The following ROBO2 variants were observed in gnomAD, a reference collection of about 807,000 sequenced individuals.
ROBO2 encodes the protein roundabout homolog 2.
A neutral mutation model predicts 160.8 loss-of-function variants in ROBO2; 53 were observed. The observed-to-expected ratio is 0.33, with a 90% CI of 0.26 to 0.41. The LOEUF (loss-of-function observed/expected upper bound fraction) is 0.41. Ranked by LOEUF, ROBO2 falls within the 10% of genes least tolerant of loss-of-function variation. ROBO2 has a pLI of 1.00. For missense variants in ROBO2, 1,577 were observed against 1,722.4 expected (o/e 0.92, Z 1.49); for synonymous variants, 664 against 611.7 (o/e 1.09, Z -1.26).
intron 2 of ROBO2, among the ~76,000 whole-genome samples, chr3:76,381,955 C>T (rs576129237): frequency 1.3e-5 from 2 of 152,050 alleles, no homozygotes; most frequent in African/African-American, 4.8e-5. Context: ...TAGACTTTGT[C>T]GTTGTTGTTT....
intron 2 of ROBO2, among the ~76,000 whole-genome samples, chr3:76,677,299 A>G (rs1211067540): frequency 6.6e-6 from 1 of 152,080 alleles, no homozygotes. Context: ...AAGGATGAGG[A>G]GGGGAAGCCG....
intron 2 of ROBO2, among the ~76,000 whole-genome samples, chr3:76,319,193 T>C (rs932808804): frequency 1.3e-5 from 2 of 152,032 alleles, no homozygotes; most frequent in African/African-American, 4.8e-5. Context: ...ATTTAAGAAA[T>C]GAAAACAAAG....
At chr3:76,814,518 G>A (rs1040849063) in intron 2 of ROBO2, among the ~76,000 whole-genome samples, 13 of 152,038 alleles carry the variant, frequency 8.6e-5, no homozygotes, top group Admixed American at 7.9e-4. Context: ...TGGCTAATAG[G>A]AAGCAGCTAA....
intron 2 of ROBO2, among the ~76,000 whole-genome samples, chr3:76,189,223 A>G (rs1206644849): frequency 6.6e-6 from 1 of 152,064 alleles, no homozygotes; most frequent in Non-Finnish European, 1.5e-5. Context: ...TATGAAGGCT[A>G]TGTTTCTGGT....
chr3:76,604,636 T>G (rs1391959463), intron 2 of ROBO2, among the ~76,000 whole-genome samples: 1 of 152,186 alleles, frequency 6.6e-6, no homozygotes, highest in African/African-American at 2.4e-5. Flanking sequence ...ATTTAATAAT[T>G]AGATCTGGAC....
intron 2 of ROBO2, among the ~76,000 whole-genome samples, chr3:76,304,747 C>T (rs200267349): frequency 0.12 from 12,061 of 101,212 alleles, 617 homozygotes; most frequent in Middle Eastern, 0.2. Flanking sequence ...CTTTTCTTTC[C>T]TTCTTTCTTT....
chr3:76,568,043 G>A (rs1257497903), intron 2 of ROBO2, among the ~76,000 whole-genome samples: 3 of 151,220 alleles, frequency 2.0e-5, no homozygotes, highest in African/African-American at 7.3e-5. Flanking sequence ...TCAAACTCCC[G>A]GGCTCAAGCG....
At chr3:77,372,362 T>C (rs2071895935) in intron 2 of ROBO2, among the ~76,000 whole-genome samples, 1 of 152,134 alleles carries the variant, frequency 6.6e-6, no homozygotes, top group Non-Finnish European at 1.5e-5. Context: ...TAAGTTTCTT[T>C]CCATTTCTGA....
chr3:76,468,695 TC>T, intron 2 of ROBO2, among the ~76,000 whole-genome samples: 1 of 151,940 alleles, frequency 6.6e-6, no homozygotes, highest in Non-Finnish European at 1.5e-5. Flanking sequence ...GAAAACCTCT[TC>T]CCTTTATTGA....
intron 2 of ROBO2, among the ~76,000 whole-genome samples, chr3:76,707,404 T>C (rs559476755): frequency 5.8e-4 from 88 of 152,222 alleles, no homozygotes; most frequent in Middle Eastern, 3.4e-3. Flanking sequence ...ATTAATACTC[T>C]AAGATTCTTA....
intron 2 of ROBO2, among the ~76,000 whole-genome samples, chr3:77,211,367 T>G (rs571171685): frequency 6.6e-5 from 10 of 152,294 alleles, no homozygotes; most frequent in African/African-American, 2.4e-4. Flanking sequence ...TCATGTGTCT[T>G]TTGGCTGCAT....
rs533659878 is a variant in ROBO2, at chr3:76,137,488, T to A, written c.109+199886T>A. Among the ~76,000 whole-genome samples, 4 of 152,162 alleles carry A rather than the reference T, an allele frequency of 2.6e-5. No individual in the cohort carries two copies. In the South Asian group the frequency reaches 8.3e-4, roughly 31 times the overall value. On this transcript the variant is annotated intron_variant, in intron 2 of 26. Coordinates refer to the ROBO2 transcript ENST00000487694. The stretch of plus-strand genomic sequence containing the variant: ...ATAATTCAGATGATTCTGATGTTAG[T>A]TCTGTTTAGAAATAACTCCAAGAAC...
intron 2 of ROBO2, among the ~76,000 whole-genome samples, chr3:77,454,570 C>T (rs1560880180): frequency 6.6e-6 from 1 of 152,172 alleles, no homozygotes; most frequent in Non-Finnish European, 1.5e-5. Context: ...TAACTCTCTA[C>T]TGGCATCATT....
intron 2 of ROBO2, among the ~76,000 whole-genome samples, chr3:76,639,656 C>T (rs951185183): frequency 6.6e-6 from 1 of 152,056 alleles, no homozygotes; most frequent in African/African-American, 2.4e-5. Flanking sequence ...CAAGAAGAAT[C>T]ATGCAGAGGT....
intron 2 of ROBO2, among the ~76,000 whole-genome samples, chr3:77,304,093 G>A (rs1162854244): frequency 6.6e-6 from 1 of 152,134 alleles, no homozygotes; most frequent in Non-Finnish European, 1.5e-5. Flanking sequence ...ATAAGGACCA[G>A]CCATGGACAT....
chr3:77,527,060 T>C (rs562991250), intron 6 of ROBO2, among the ~76,000 whole-genome samples: 3 of 151,490 alleles, frequency 2.0e-5, no homozygotes, highest in Non-Finnish European at 3.0e-5. Flanking sequence ...GTGACTTGAA[T>C]AGTTATATTC....
intron 2 of ROBO2, among the ~76,000 whole-genome samples, chr3:75,945,133 A>G (rs920154791): frequency 6.6e-6 from 1 of 152,160 alleles, no homozygotes; most frequent in Non-Finnish European, 1.5e-5. Flanking sequence ...TTATTGAGTG[A>G]AGGAAATTGA....
chr3:77,060,185 T>G (rs997375589), intron 1 of ROBO2, among the ~76,000 whole-genome samples: 19 of 152,174 alleles, frequency 1.2e-4, no homozygotes, highest in African/African-American at 4.6e-4. Context: ...GTTATAGCAT[T>G]GGGTGTGTTG....
intron 2 of ROBO2, among the ~76,000 whole-genome samples, chr3:76,135,370 A>G (rs531176109): frequency 2.0e-5 from 3 of 152,270 alleles, no homozygotes; most frequent in Admixed American, 6.5e-5. Flanking sequence ...ATCCAAGGCC[A>G]CTATGCAATG....
Sources: allele counts gnomAD v4.1 joint callset (sites outside exome capture counted in the v4.1 genomes callset), GRCh38; gene constraint gnomAD v4.1.1; transcripts MANE v1.5; gene names NCBI Gene and HGNC (gene_info 2026-07-23, HGNC 2026-07-21).